Variants in DHDH observed in about 807,000 individuals in gnomAD.
DHDH encodes the protein trans-1,2-dihydrobenzene-1,2-diol dehydrogenase.
DHDH carries 29 observed loss-of-function variants against 33.2 expected under a neutral mutation model. The ratio of observed to expected loss-of-function variants is 0.87; its 90% CI spans 0.65 to 1.19. DHDH has a LOEUF of 1.19. Among genes scored for constraint, DHDH ranks in the 50% most tolerant of loss-of-function variants. DHDH has a pLI of 0.00. For synonymous variants in DHDH, 201 were observed against 187.9 expected, an observed-to-expected ratio of 1.07 and a Z score of -0.57; for missense variants, 431 against 455.0, an observed-to-expected ratio of 0.95 and a Z score of 0.48.
At chr19:48,943,311 G>C (rs542179708) in intron 5 of DHDH, among the ~76,000 whole-genome samples, 1 of 152,030 alleles carries the variant, frequency 6.6e-6, no homozygotes, top group Non-Finnish European at 1.5e-5. Flanking sequence ...TGTGAATTTC[G>C]GAAGTGCATC....
chr19:48,938,675 C>T (rs1040729325), intron 3 of DHDH, among the ~76,000 whole-genome samples: 12 of 147,072 alleles, frequency 8.2e-5, no homozygotes, highest in Admixed American at 6.1e-4. Context: ...GTTGGAGTCT[C>T]GCTCTGTCGC....
chr19:48,938,944 G>A (rs56778210), intron 3 of DHDH, among the ~76,000 whole-genome samples: 4 of 152,124 alleles, frequency 2.6e-5, no homozygotes, highest in Non-Finnish European at 4.4e-5. Flanking sequence ...GATTACAGGC[G>A]TGAGCCACCG....
At position 48,944,524 on chromosome 19, in the gene DHDH, G is replaced by C. The variant is rs1471294480; in HGVS notation, c.895+17G>C. 2 of 1,577,160 alleles carry C rather than the reference G, an allele frequency of 1.3e-6. No homozygotes were observed. Among genetic ancestry groups the C allele is most frequent in the East Asian group, 2.3e-5 (1 of 44,300 alleles). On this transcript the variant is annotated intron_variant, in intron 6 of 6. Coordinates refer to ENST00000221403, the MANE Select transcript of DHDH (RefSeq NM_014475.4). ...TACGCAAGGGTAAGGATATGGATGC[G>C]GGGCAGGCGCCAGGCCTGGTAGGGG...
At chr19:48,933,675 T>C (rs1049469814), upstream of DHDH, 2 of 1,592,828 alleles carry the variant, frequency 1.3e-6, no homozygotes, top group African/African-American at 1.3e-5. Context: ...AGGTACTTAA[T>C]TCGCGCCTGG....
chr19:48,933,693 G>C (rs766497785), upstream of DHDH: 3 of 1,611,264 alleles, frequency 1.9e-6, no homozygotes, highest in South Asian at 1.1e-5. Context: ...TGGAGGGACC[G>C]AAGGTGCCGA....
At chr19:48,937,905 C>T (rs1281148213) in intron 3 of DHDH, among the ~76,000 whole-genome samples, 1 of 151,668 alleles carries the variant, frequency 6.6e-6, no homozygotes, top group Admixed American at 6.6e-5. Context: ...TTTCTCTGGG[C>T]TCTTTGCCTA....
chr19:48,942,418 C>T, intron 4 of DHDH, 22 bp from the exon 5 acceptor site: 2 of 1,588,202 alleles, frequency 1.3e-6, no homozygotes, highest in Non-Finnish European at 1.7e-6. Flanking sequence ...AGACCCTGCC[C>T]TGACCCAGGA....
chr19:48,936,142 G>T lies in DHDH; in HGVS notation c.313G>T (p.Glu105Ter). The T allele has an allele frequency of 6.2e-7, 1 of 1,609,094 alleles. No individual in the cohort carries two copies. Residue 105 changes from glutamate to a stop codon, truncating the protein, a stop_gained, in exon 3 of 7, where the codon GAA becomes TAA. Transcript: ENST00000221403. LOFTEE classifies it high-confidence loss of function. The stretch of plus-strand genomic sequence containing the variant: ...GAAGCCCACGGGCGTGAACGCGGCG[G>T]AAGTTCGCGAGATGGTCGCGGAGGC... The part of the protein sequence containing the change: ...CEKPTGVNAA[E>*]VREMVAEARS...
At chr19:48,939,278 C>G (rs1267886838) in intron 3 of DHDH, among the ~76,000 whole-genome samples, 171 bp from the exon 4 acceptor site, 1 of 145,534 alleles carries the variant, frequency 6.9e-6, no homozygotes, top group African/African-American at 2.5e-5. Context: ...TATCTCTATT[C>G]AAAAAAAAAA....
chr19:48,936,338 C>A, intron 3 of DHDH, 143 bp downstream of exon 3: 1 of 1,185,720 alleles, frequency 8.4e-7, no homozygotes, highest in Non-Finnish European at 1.1e-6. Context: ...AAAGCCATTG[C>A]TTTTGGCCCT....
rs200974151 is a variant in DHDH at position 48,944,319 on chromosome 19, T to G, written c.745-38T>G. ...CTGGAGGCAGCCTCAGCAGCACCGT[T>G]GGTGAAGGCAGCAGTGCCACTTCTT... On this transcript the variant is annotated intron_variant, in intron 5 of 6. Coordinates refer to ENST00000221403, the MANE Select transcript of DHDH (RefSeq NM_014475.4). 257 of 1,612,320 alleles carry G rather than the reference T, an allele frequency of 1.6e-4. 4 individuals carry two copies. The South Asian group carries it at 2.4e-3, about 15-fold the overall frequency.
chr19:48,934,959 C>A, intron 1 of DHDH, 41 bp from the exon 2 acceptor site: 1 of 1,468,836 alleles, frequency 6.8e-7, no homozygotes. Flanking sequence ...AGTTTCCACG[C>A]CTGCCTCAGC....
At chr19:48,934,574 A>G (rs1490335981) in intron 1 of DHDH, among the ~76,000 whole-genome samples, 1 of 152,204 alleles carries the variant, frequency 6.6e-6, no homozygotes, top group Non-Finnish European at 1.5e-5. Flanking sequence ...ATATGCTGGC[A>G]GTGATACTGC....
At position 48,944,619 on chromosome 19, in the gene DHDH, T is replaced by C. The variant is rs2037915168; in HGVS notation, c.895+112T>C. ...AACTACATCTCCCAGGAGGTTGCAG[T>C]GAGCCGAGATTGCACCACTGCACTC... On this transcript the variant is annotated intron_variant, in intron 6 of 6. Coordinates refer to ENST00000221403, the MANE Select transcript of DHDH (RefSeq NM_014475.4). 3 of 1,465,666 alleles carry C rather than the reference T, an allele frequency of 2.0e-6. No individual in the cohort carries two copies. The African/African-American group carries it at 4.2e-5, about 21-fold the overall frequency. 90.8% of individuals were successfully genotyped at this position (1,465,666 alleles called of 1,614,324 possible).
At chr19:48,942,655 G>A in intron 5 of DHDH, 91 bp downstream of exon 5, 3 of 1,505,086 alleles carry the variant, frequency 2.0e-6, no homozygotes, top group South Asian at 1.3e-5. Flanking sequence ...AGCTTAACCA[G>A]CCAATTTCAC....
At chr19:48,944,251 C>G (rs2037907533) in intron 5 of DHDH, 106 bp from the exon 6 acceptor site, 10 of 1,489,342 alleles carry the variant, frequency 6.7e-6, no homozygotes, top group Non-Finnish European at 8.3e-6. Flanking sequence ...CTCTTAGCCA[C>G]CAGGTTCAAG....
At position 48,935,938 on chromosome 19, in the gene DHDH, C is replaced by A. The variant is rs1230963105; in HGVS notation, c.203-94C>A. 2.7e-6 allele frequency: 4 copies of A among 1,495,354 alleles called. No individual in the cohort carries two copies. The African/African-American group carries it at 4.2e-5, about 16-fold the overall frequency. The allele number at this position is 1,495,354 out of a possible 1,614,324, so 92.6% of individuals were successfully genotyped here. On this transcript the variant is annotated intron_variant, in intron 2 of 6. Coordinates refer to ENST00000221403, the MANE Select transcript of DHDH (RefSeq NM_014475.4). ...ACAGGGGTGTGACCGACCACCTGGTCCCTGGGTGCTAGGGCGGGGCCTCGA... is the reference window on the plus strand; with the variant it reads ...ACAGGGGTGTGACCGACCACCTGGTACCTGGGTGCTAGGGCGGGGCCTCGA...
chr19:48,944,385 A>G lies in DHDH; in HGVS notation c.773A>G (p.Glu258Gly). Residue 258 changes from glutamate to glycine, a missense_variant, in exon 6 of 7, where the codon GAG becomes GGG. By Grantham distance (98) the Glu-to-Gly change is moderately conservative. Transcript: ENST00000221403. ...QLLNPCWCPT[E>G]LVVKGEHKEF... is the part of the protein sequence containing the mutation. The stretch of plus-strand genomic sequence containing the variant: ...CTCAACCCCTGCTGGTGCCCGACCG[A>G]GCTGGTGGTGAAGGGGGAGCATAAG... 6.2e-7 allele frequency: 1 copy of G among 1,614,100 alleles called. No individual in the cohort carries two copies. Among genetic ancestry groups the G allele is most frequent in the Admixed American group, 1.7e-5 (1 of 60,014 alleles).
rs115564160 is a variant in DHDH, at chr19:48,936,324, C to T, written c.366+129C>T. 1,423 of 1,262,240 alleles carry T rather than the reference C, an allele frequency of 1.1e-3. 10 individuals are homozygous for T. The African/African-American group carries it at 0.019, about 17-fold the overall frequency. The allele number at this position is 1,262,240 out of a possible 1,614,324, so 78.2% of individuals were successfully genotyped here. On this transcript the variant is annotated intron_variant, in intron 3 of 6. Coordinates refer to ENST00000221403, the MANE Select transcript of DHDH (RefSeq NM_014475.4). ...GAATCTCCTTGGCAGCATCTATTACCGTGAAAGCCATTGCTTTTGGCCCTT... is the reference window on the plus strand; with the variant it reads ...GAATCTCCTTGGCAGCATCTATTACTGTGAAAGCCATTGCTTTTGGCCCTT...
Sources: allele counts gnomAD v4.1 joint callset (sites outside exome capture counted in the v4.1 genomes callset), GRCh38; gene constraint gnomAD v4.1.1; transcripts MANE v1.5; gene names NCBI Gene and HGNC (gene_info 2026-07-23, HGNC 2026-07-21).